Variants in FBXO28 observed in about 807,000 individuals in gnomAD.
The protein encoded by FBXO28 is F-box only protein 28.
A neutral mutation model predicts 38.1 loss-of-function variants in FBXO28; 8 were observed. That is an observed-to-expected ratio of 0.21 (90% CI 0.12 to 0.38). FBXO28 has a LOEUF of 0.38. Ranked by LOEUF, FBXO28 falls within the 10% of genes least tolerant of loss-of-function variation. FBXO28 has a pLI of 1.00. For missense variants in FBXO28, 345 were observed against 460.6 expected, an observed-to-expected ratio of 0.75 and a Z score of 2.30; for synonymous variants, 168 against 173.8, an observed-to-expected ratio of 0.97 and a Z score of 0.26.
At chr1:224,115,219 C>T (rs139557302) in intron 1 of FBXO28, among the ~76,000 whole-genome samples, 1 of 152,310 alleles carries the variant, frequency 6.6e-6, no homozygotes, top group African/African-American at 2.4e-5. Flanking sequence ...TGGGGTTTTA[C>T]TTCACTCCAG....
At chr1:224,141,582 A>G (rs1288372931) in intron 3 of FBXO28, among the ~76,000 whole-genome samples, 2 of 152,194 alleles carry the variant, frequency 1.3e-5, no homozygotes, top group East Asian at 1.9e-4. Flanking sequence ...GAGTGTATTT[A>G]CACAAACCTA....
chr1:224,124,366 A>G (rs1656857749), intron 1 of FBXO28, among the ~76,000 whole-genome samples: 1 of 152,232 alleles, frequency 6.6e-6, no homozygotes, highest in Non-Finnish European at 1.5e-5. Flanking sequence ...TTTTTATAGT[A>G]TATACTTTTC....
At chr1:224,145,020 A>G (rs753493223) in intron 3 of FBXO28, among the ~76,000 whole-genome samples, 5 of 151,644 alleles carry the variant, frequency 3.3e-5, no homozygotes, top group Non-Finnish European at 5.9e-5. Flanking sequence ...GGTGGCTCAC[A>G]CCTATAATCC....
intron 3 of FBXO28, among the ~76,000 whole-genome samples, chr1:224,139,756 G>A (rs9730034): frequency 9.3e-5 from 3 of 32,376 alleles, no homozygotes; most frequent in Non-Finnish European, 1.7e-4. Context: ...ATACATACAT[G>A]CATGCATGCA....
In FBXO28 at chr1:224,160,323, A is replaced by G. The variant is rs1302683059; in HGVS notation, c.*2577A>G. ...GGTATTTAAATACTGCGTGTTGTTA[A>G]TATTGCGTTGTCTTAGTGCAACATT... On this transcript the variant is annotated 3_prime_UTR_variant, in exon 5 of 5. Transcript: ENST00000366862. The G allele has an allele frequency of 1.3e-5, 2 of 152,170 alleles. No individual in the cohort carries two copies. The highest frequency in any genetic ancestry group is 4.8e-5 in the African/African-American group (2 of 41,436). 9.4% of individuals were successfully genotyped at this position (152,170 alleles called of 1,614,324 possible).
chr1:224,157,765 T>C lies in FBXO28; in HGVS notation c.*19T>C, dbSNP rs761814936. 5 of 1,578,100 alleles carry C rather than the reference T, an allele frequency of 3.2e-6. No homozygotes were observed. The highest frequency in any genetic ancestry group is 1.2e-5 in the South Asian group (1 of 83,836). On this transcript the variant is annotated 3_prime_UTR_variant, in exon 5 of 5. Transcript: ENST00000366862. ...AAAGTAAATTGGAATGTGGTTCTAG[T>C]TCCAGAGGAAGACACAGCTTAGTAG...
At position 224,160,884 on chromosome 1, in the gene FBXO28, G is replaced by A. The variant is rs1248655373; in HGVS notation, c.*3138G>A. The A allele has an allele frequency of 1.3e-5, 2 of 152,120 alleles. No individual in the cohort carries two copies. The highest frequency in any genetic ancestry group is 2.9e-5 in the Non-Finnish European group (2 of 68,024). The allele number at this position is 152,120 out of a possible 1,614,324, so 9.4% of individuals were successfully genotyped here. The stretch of plus-strand genomic sequence containing the variant: ...AGGTGGGTAAAACAGTATAAGTAAT[G>A]CCTAAATTAATAAGCTAAAAGGTGT... On this transcript the variant is annotated 3_prime_UTR_variant, in exon 5 of 5. Transcript: ENST00000366862.
chr1:224,135,121 T>C (rs573990426), intron 3 of FBXO28, among the ~76,000 whole-genome samples: 8 of 152,354 alleles, frequency 5.3e-5, no homozygotes, highest in Admixed American at 2.0e-4. Flanking sequence ...ACATTTTCTT[T>C]AAAAGATCTT....
chr1:224,147,335 A>C (rs1006276138), intron 3 of FBXO28, among the ~76,000 whole-genome samples: 1 of 151,376 alleles, frequency 6.6e-6, no homozygotes, highest in African/African-American at 2.4e-5. Context: ...AGGCAGGAGA[A>C]TCACTTGAAC....
At chr1:224,115,004 C>T (rs1242585391) in intron 1 of FBXO28, among the ~76,000 whole-genome samples, 4 of 152,102 alleles carry the variant, frequency 2.6e-5, no homozygotes, top group Admixed American at 6.6e-5. Flanking sequence ...AAAGTAGAGC[C>T]TTGGGAAATG....
At chr1:224,131,514 A>T (rs1262204018) in intron 2 of FBXO28, among the ~76,000 whole-genome samples, 1 of 152,202 alleles carries the variant, frequency 6.6e-6, no homozygotes, top group Non-Finnish European at 1.5e-5. Flanking sequence ...CTGGATAATA[A>T]ACCTTATATT....
At chr1:224,116,458 T>C (rs1656645489) in intron 1 of FBXO28, among the ~76,000 whole-genome samples, 1 of 152,198 alleles carries the variant, frequency 6.6e-6, no homozygotes, top group Non-Finnish European at 1.5e-5. Context: ...CTTTAGTGTA[T>C]GCTGCTATCT....
rs116602829 is a variant in FBXO28, at chr1:224,138,588, A to G, written c.516+4376A>G. ...ATCTTCTATCTAACACATGGAAGTT[A>G]CACTTTTTACAGTAAGCTCATATTA... On this transcript the variant is annotated intron_variant, in intron 3 of 4. Coordinates refer to ENST00000366862, the MANE Select transcript of FBXO28 (RefSeq NM_015176.4). 1.3e-3 allele frequency among the ~76,000 whole-genome samples: 204 copies of G among 152,012 alleles called. 6 individuals carry two copies. The highest frequency in any genetic ancestry group is 4.7e-3 in the African/African-American group (192 of 41,282).
chr1:224,136,425 A>T (rs80086721), intron 3 of FBXO28, among the ~76,000 whole-genome samples: 1 of 151,618 alleles, frequency 6.6e-6, no homozygotes, highest in Non-Finnish European at 1.5e-5. Flanking sequence ...TGCTTCTGGG[A>T]TGTACTTAAA....
chr1:224,126,685 C>T (rs1174808036), intron 1 of FBXO28, among the ~76,000 whole-genome samples: 14 of 152,158 alleles, frequency 9.2e-5, no homozygotes, highest in Admixed American at 9.2e-4. Flanking sequence ...TGGCAGGCGC[C>T]TGTAATCCCA....
intron 1 of FBXO28, among the ~76,000 whole-genome samples, chr1:224,126,036 T>G (rs1037108907): frequency 1.3e-5 from 2 of 152,230 alleles, no homozygotes; most frequent in African/African-American, 2.4e-5. Context: ...GGAAGTAGTT[T>G]GCTTGCTAAT....
In FBXO28 at chr1:224,157,517, A is replaced by G. The variant is rs752869868; in HGVS notation, c.878A>G (p.Gln293Arg). 1 of 1,614,246 alleles carries G rather than the reference A, an allele frequency of 6.2e-7. No homozygotes were observed. Among genetic ancestry groups the G allele is most frequent in the Non-Finnish European group, 8.5e-7 (1 of 1,180,048 alleles). Residue 293 changes from glutamine (Q) to arginine (R), a missense_variant, in exon 5 of 5, where the codon CAA (glutamine) becomes CGA (arginine). Around this residue, in one of 6 missense-constraint regions of FBXO28, gnomAD observed 151 missense variants for 188.3 expected, o/e 0.80. Transcript: ENST00000366862. Reference protein sequence around the residue: ...SELRTKVQEQQKQLQDQDQKL... With the variant: ...SELRTKVQEQRKQLQDQDQKL... ...CTTCGCACCAAAGTGCAAGAACAGC[A>G]AAAACAGCTTCAAGACCAGGACCAG... is the stretch of plus-strand genomic sequence containing the variant.
intron 3 of FBXO28, among the ~76,000 whole-genome samples, chr1:224,148,020 GAAA>G (rs1657551868): frequency 6.6e-6 from 1 of 152,032 alleles, no homozygotes; most frequent in Non-Finnish European, 1.5e-5. Flanking sequence ...TTTGGACAAA[GAAA>G]AGAAACTATT....
chr1:224,125,059 AC>A (rs1656872856), intron 1 of FBXO28, among the ~76,000 whole-genome samples: 2 of 152,110 alleles, frequency 1.3e-5, no homozygotes, highest in Admixed American at 1.3e-4. Flanking sequence ...GAAAACTACC[AC>A]ATTAAATACT....
Sources: gnomAD v4.1 joint callset for allele counts (sites outside exome capture counted in the v4.1 genomes callset) on GRCh38, gnomAD v4.1.1 for gene constraint, gnomAD v4.1.1 regional missense constraint, MANE v1.5 for transcripts, NCBI Gene and HGNC (gene_info 2026-07-23, HGNC 2026-07-21) for gene names.